DLX3: variants seen among roughly 807,000 people sequenced by gnomAD.
DLX3 encodes homeobox protein DLX-3.
DLX3 carries 9 observed loss-of-function variants against 28.0 expected under a neutral mutation model. The observed-to-expected ratio is 0.32, with a 90% CI of 0.19 to 0.56. The LOEUF (loss-of-function observed/expected upper bound fraction) is 0.56, where lower values mean the gene tolerates loss of function less well. Among genes scored for constraint, DLX3 ranks in the 20% least tolerant of loss-of-function variants. The probability of loss-of-function intolerance (pLI) is 0.91; values close to 1 mark genes in which losing one functional copy is unlikely to be tolerated. For synonymous variants in DLX3, 154 were observed against 167.9 expected, an observed-to-expected ratio of 0.92 and a Z score of 0.64; for missense variants, 313 against 378.2, an observed-to-expected ratio of 0.83 and a Z score of 1.43.
rs1443694669 is a variant in DLX3, at chr17:49,990,812, C to A, written c.*705G>T. 6.6e-6 allele frequency: 1 copy of A among 152,626 alleles called. No individual in the cohort carries two copies. The highest frequency in any genetic ancestry group is 1.9e-4 in the East Asian group (1 of 5,194). 9.5% of individuals were successfully genotyped at this position (152,626 alleles called of 1,614,324 possible). ...AGAAATAAGTCCATAGGAAAAACGT[C>A]TGAGACCCACCCCTCCTCTCGGAAC... On this transcript the variant is annotated 3_prime_UTR_variant, in exon 3 of 3. Transcript: ENST00000434704.
chr17:49,990,324 T>C lies in DLX3; in HGVS notation c.*1193A>G, dbSNP rs1906042384. 6.7e-6 allele frequency: 1 copy of C among 150,290 alleles called. No individual in the cohort carries two copies. Among genetic ancestry groups the C allele is most frequent in the Non-Finnish European group, 1.5e-5 (1 of 67,740 alleles). The allele number at this position is 150,290 out of a possible 1,614,324, so 9.3% of individuals were successfully genotyped here. ...AAAAAACTTACTATATATTTATATA[T>C]ATAGCTACAGTCTTCTACCTCTCCT... On this transcript the variant is annotated 3_prime_UTR_variant, in exon 3 of 3. Transcript: ENST00000434704.
chr17:49,990,942 C>G lies in DLX3; in HGVS notation c.*575G>C, dbSNP rs1906062985. 1 of 152,944 alleles carries G rather than the reference C, an allele frequency of 6.5e-6. No homozygotes were observed. The highest frequency in any genetic ancestry group is 1.5e-5 in the Non-Finnish European group (1 of 68,310). The allele number at this position is 152,944 out of a possible 1,614,324, so 9.5% of individuals were successfully genotyped here. A position where few individuals can be genotyped will look rare whatever the true frequency, so the allele number is the denominator to read the frequency against. On this transcript the variant is annotated 3_prime_UTR_variant, in exon 3 of 3. Coordinates refer to ENST00000434704, the MANE Select transcript of DLX3 (RefSeq NM_005220.3). ...GTTTTCTTTGGTTTCACCCTCAAATCTTAAATGAGGGCTAGAAGTGCAGGG... is the reference window on the plus strand; with the variant it reads ...GTTTTCTTTGGTTTCACCCTCAAATGTTAAATGAGGGCTAGAAGTGCAGGG...
intron 2 of DLX3, among the ~76,000 whole-genome samples, chr17:49,992,919 C>T (rs1199374094): frequency 6.6e-6 from 1 of 152,214 alleles, no homozygotes; most frequent in Non-Finnish European, 1.5e-5. Context: ...TCTGAACATG[C>T]ATTCAGAACG....
chr17:49,994,406 C>T (rs900665408), intron 1 of DLX3, among the ~76,000 whole-genome samples: 1 of 152,172 alleles, frequency 6.6e-6, no homozygotes, highest in African/African-American at 2.4e-5. Context: ...GGTTTCCTAA[C>T]AACCCACAGC....
Position 49,991,637 on chromosome 17 carries a change from G to A in DLX3, c.744C>T (p.Thr248=). ...GGTTCTGTGCGTGATACCAGGAGTT[G>A]GTGGGGTCGTCCAGGTAGCTGGGGG... is the stretch of plus-strand genomic sequence containing the variant. ...SASPSYLDDP[T]NSWYHAQNLS... The change falls in exon 3 of 3, where the codon ACC becomes ACT. Residue 248 remains threonine (T), a synonymous_variant. Coordinates refer to ENST00000434704, the MANE Select transcript of DLX3 (RefSeq NM_005220.3). 2 of 1,613,854 alleles carry A rather than the reference G, an allele frequency of 1.2e-6. No homozygotes were observed. The highest frequency in any genetic ancestry group is 8.5e-7 in the Non-Finnish European group (1 of 1,180,026).
chr17:49,995,122 C>G lies in DLX3; in HGVS notation c.-124G>C. The G allele has an allele frequency of 3.2e-6, 4 of 1,266,426 alleles. No homozygotes were observed. Among genetic ancestry groups the G allele is most frequent in the Non-Finnish European group, 4.4e-6 (4 of 903,962 alleles). The allele number at this position is 1,266,426 out of a possible 1,614,324, so 78.4% of individuals were successfully genotyped here. ...CCAGAAGGCGAAGGGAGGACCCGGCCGCGTCTGGGGGGAGGGGGAGGCCGA... is the reference window on the plus strand; with the variant it reads ...CCAGAAGGCGAAGGGAGGACCCGGCGGCGTCTGGGGGGAGGGGGAGGCCGA... On this transcript the variant is annotated 5_prime_UTR_variant, in exon 1 of 3. Transcript: ENST00000434704.
intron 2 of DLX3, 21 bp downstream of exon 2, chr17:49,993,379 C>T (rs1341405658): frequency 3.2e-6 from 5 of 1,586,836 alleles, no homozygotes; most frequent in Non-Finnish European, 4.3e-6. Flanking sequence ...CCCCCGCGGC[C>T]CTGGACAGCC....
Position 49,995,154 on chromosome 17 carries a change from C to A in DLX3, c.-156G>T. 2.2e-6 allele frequency: 2 copies of A among 908,892 alleles called. No individual in the cohort carries two copies. Among genetic ancestry groups the A allele is most frequent in the Non-Finnish European group, 3.4e-6 (2 of 584,254 alleles). The allele number at this position is 908,892 out of a possible 1,614,324, so 56.3% of individuals were successfully genotyped here. On this transcript the variant is annotated 5_prime_UTR_variant, in exon 1 of 3. Coordinates refer to ENST00000434704, the MANE Select transcript of DLX3 (RefSeq NM_005220.3). ...GGGGGGAGGGGGAGGCCGAGAGGCG[C>A]TTACACCATTGCCTGCCGTCAGGCG... is the stretch of plus-strand genomic sequence containing the variant.
Position 49,991,636 on chromosome 17 carries a change from T to C in DLX3, c.745A>G (p.Asn249Asp). The change falls in exon 3 of 3, where the codon AAC becomes GAC. Residue 249 changes from asparagine (N) to aspartate (D), a missense_variant. By Grantham distance (23) the Asn-to-Asp change is conservative (BLOSUM62 1). Around this residue, in one of 3 missense-constraint regions of DLX3, gnomAD observed 120 missense variants for 145.4 expected, o/e 0.83. Transcript: ENST00000434704. ...ASPSYLDDPTNSWYHAQNLSG... is the reference protein window; with the variant it reads ...ASPSYLDDPTDSWYHAQNLSG... ...AGGTTCTGTGCGTGATACCAGGAGT[T>C]GGTGGGGTCGTCCAGGTAGCTGGGG... 6.2e-7 allele frequency: 1 copy of C among 1,613,572 alleles called. No homozygotes were observed. The highest frequency in any genetic ancestry group is 8.5e-7 in the Non-Finnish European group (1 of 1,179,956).
intron 1 of DLX3, chr17:49,993,840 G>T (rs950481233): frequency 4.5e-5 from 10 of 223,182 alleles, no homozygotes; most frequent in African/African-American, 2.3e-4. Context: ...GGCGCCAGCC[G>T]CCGCCTGCGC....
In DLX3 at chr17:49,991,356, T is replaced by A. The variant is rs8081044; in HGVS notation, c.*161A>T. On this transcript the variant is annotated 3_prime_UTR_variant, in exon 3 of 3. Coordinates refer to ENST00000434704, the MANE Select transcript of DLX3 (RefSeq NM_005220.3). ...CAGGGGGCATCCTTGGTCCATGCAA[T>A]TGTCATCTGGAAGCGCTTGGGTCCC... 639,352 of 661,444 alleles carry A rather than the reference T, an allele frequency of 0.97. 310,067 individuals are homozygous for A. The highest frequency in any genetic ancestry group is 1 in the East Asian group (36,443 of 36,448). 41.0% of individuals were successfully genotyped at this position (661,444 alleles called of 1,614,324 possible). A position where few individuals can be genotyped will look rare whatever the true frequency, so the allele number is the denominator to read the frequency against.
Position 49,990,925 on chromosome 17 carries a change from TG to T in DLX3, c.*591del, listed in dbSNP as rs1163990881. 1 of 152,828 alleles carries T rather than the reference TG, an allele frequency of 6.5e-6. No homozygotes were observed. The highest frequency in any genetic ancestry group is 3.1e-3 in the Middle Eastern group (1 of 318). 9.5% of individuals were successfully genotyped at this position (152,828 alleles called of 1,614,324 possible). ...ATTCCCTCACTTAGGGGGTTTTCTTTGGTTTCACCCTCAAATCTTAAATGAG... is the reference window on the plus strand; with the variant it reads ...ATTCCCTCACTTAGGGGGTTTTCTTTGTTTCACCCTCAAATCTTAAATGAG... On this transcript the variant is annotated 3_prime_UTR_variant, in exon 3 of 3. Coordinates refer to ENST00000434704, the MANE Select transcript of DLX3 (RefSeq NM_005220.3).
intron 2 of DLX3, among the ~76,000 whole-genome samples, chr17:49,992,831 C>T (rs1268738637): frequency 6.6e-6 from 1 of 152,162 alleles, no homozygotes; most frequent in African/African-American, 2.4e-5. Flanking sequence ...TCCCCATCTC[C>T]TTCAGGTAGG....
At chr17:49,993,679 C>G in intron 1 of DLX3, 89 bp from the exon 2 acceptor site, 1 of 1,443,126 alleles carries the variant, frequency 6.9e-7, no homozygotes, top group Non-Finnish European at 9.3e-7. Context: ...GGACGCCCCT[C>G]GCTTCCGCCC....
At chr17:49,992,852 T>C (rs1906140017) in intron 2 of DLX3, among the ~76,000 whole-genome samples, 1 of 152,110 alleles carries the variant, frequency 6.6e-6, no homozygotes, top group South Asian at 2.1e-4. Context: ...GAATTTGGCC[T>C]CTCTTGAGCG....
rs767400459 is a variant in DLX3 at position 49,994,866 on chromosome 17, C to T, written c.133G>A (p.Ala45Thr). 5.0e-6 allele frequency: 8 copies of T among 1,614,086 alleles called. No individual in the cohort carries two copies. Among genetic ancestry groups the T allele is most frequent in the South Asian group, 2.2e-5 (2 of 91,096 alleles). The part of the protein sequence containing the change: ...SSVTDLGYYS[A>T]PQHDYYSGQP... ...CCCGAGTAGTAATCGTGCTGGGGAG[C>T]GCTGTAGTAGCCCAGGTCAGTGACA... Residue 45 changes from alanine to threonine, a missense_variant, in exon 1 of 3, where the codon GCT becomes ACT. Physicochemically the swap from Ala to Thr is moderately conservative, Grantham distance 58. Transcript: ENST00000434704.
chr17:49,992,805 G>A (rs1203079331), intron 2 of DLX3, among the ~76,000 whole-genome samples: 1 of 152,134 alleles, frequency 6.6e-6, no homozygotes, highest in South Asian at 2.1e-4. Context: ...GTGGGGGTGC[G>A]GCACTCACTT....
rs779327348 is a variant in DLX3, at chr17:49,994,795, T to G, written c.204A>C (p.Gln68His). ...QTVNPYTYHH[Q>H]FNLNGLAGTG... ...TGCCTGCAAGCCCATTGAGATTGAATTGGTGGTGGTAGGTGTAGGGGTTCA... is the reference window on the plus strand; with the variant it reads ...TGCCTGCAAGCCCATTGAGATTGAAGTGGTGGTGGTAGGTGTAGGGGTTCA... Residue 68 changes from glutamine (Q) to histidine (H), a missense_variant, in exon 1 of 3, where the codon CAA becomes CAC. By Grantham distance (24) the Gln-to-His change is conservative. Transcript: ENST00000434704. 6.2e-7 allele frequency: 1 copy of G among 1,614,118 alleles called. No homozygotes were observed. The highest frequency in any genetic ancestry group is 8.5e-7 in the Non-Finnish European group (1 of 1,180,018).
rs758609421 is a variant in DLX3 at position 49,991,516 on chromosome 17, C to T, written c.*1G>A. Reference sequence around the variant, plus strand: ...GTCAAGGGTGCAGGCCAGATGGGTGCTCAGTACACAGCCCCAGGGTTGGGC... The same window carrying T: ...GTCAAGGGTGCAGGCCAGATGGGTGTTCAGTACACAGCCCCAGGGTTGGGC... On this transcript the variant is annotated 3_prime_UTR_variant, in exon 3 of 3. Coordinates refer to ENST00000434704, the MANE Select transcript of DLX3 (RefSeq NM_005220.3). 1 of 1,599,620 alleles carries T rather than the reference C, an allele frequency of 6.3e-7. No individual in the cohort carries two copies. Among genetic ancestry groups the T allele is most frequent in the Non-Finnish European group, 8.5e-7 (1 of 1,177,278 alleles).
Sources: gnomAD v4.1 joint callset for allele counts (sites outside exome capture counted in the v4.1 genomes callset) on GRCh38, gnomAD v4.1.1 for gene constraint, gnomAD v4.1.1 regional missense constraint, MANE v1.5 for transcripts, NCBI Gene and HGNC (gene_info 2026-07-23, HGNC 2026-07-21) for gene names.